The following HMGB1 variants were observed in gnomAD, a reference collection of about 807,000 sequenced individuals.
HMGB1 encodes high mobility group protein B1.
For synonymous variants in HMGB1, 81 were observed against 84.0 expected (o/e 0.96, Z 0.19); for missense variants, 79 against 253.5 (o/e 0.31, Z 4.67).
Position 30,461,542 on chromosome 13 carries a change from G to A in HMGB1, c.472-9C>T, listed in dbSNP as rs749492598. Reference sequence around the variant, plus strand: ...CGATATGCAGCAATATCCTTCCAAAGCAAAGGGAGGATAAAACAGTAGGGA... The same window carrying A: ...CGATATGCAGCAATATCCTTCCAAAACAAAGGGAGGATAAAACAGTAGGGA... On this transcript the variant is annotated splice_polypyrimidine_tract_variant and intron_variant, in intron 4 of 4. Coordinates refer to ENST00000341423, the MANE Select transcript of HMGB1 (RefSeq NM_002128.7). 1.3e-6 allele frequency: 2 copies of A among 1,578,868 alleles called. No homozygotes were observed. Among genetic ancestry groups the A allele is most frequent in the Non-Finnish European group, 1.7e-6 (2 of 1,159,462 alleles).
intron 1 of HMGB1, among the ~76,000 whole-genome samples, chr13:30,471,898 C>T (rs1886953326): frequency 6.6e-6 from 1 of 150,378 alleles, no homozygotes; most frequent in Non-Finnish European, 1.5e-5. Context: ...AACTCCTGAC[C>T]TCAGGTGATC....
At chr13:30,523,242 G>A (rs776898423) in intron 1 of HMGB1, among the ~76,000 whole-genome samples, 6 of 152,076 alleles carry the variant, frequency 3.9e-5, no homozygotes, top group Non-Finnish European at 5.9e-5. Context: ...TTTTGCTTAC[G>A]CTTACATTTT....
intron 1 of HMGB1, among the ~76,000 whole-genome samples, chr13:30,539,113 T>C (rs191452643): frequency 6.5e-4 from 99 of 152,216 alleles, no homozygotes; most frequent in African/African-American, 2.3e-3. Context: ...GCCTGGATGG[T>C]CTCCAATTCC....
intron 1 of HMGB1, among the ~76,000 whole-genome samples, chr13:30,578,901 C>T (rs1274272975): frequency 1.3e-5 from 2 of 152,220 alleles, no homozygotes; most frequent in Non-Finnish European, 2.9e-5. Flanking sequence ...TTCCATATGA[C>T]CTATTTCATA....
chr13:30,519,235 A>G (rs1196092318), intron 1 of HMGB1, among the ~76,000 whole-genome samples: 2 of 151,788 alleles, frequency 1.3e-5, no homozygotes, highest in Non-Finnish European at 2.9e-5. Flanking sequence ...TCTATTAAAA[A>G]TACAAAAATT....
At chr13:30,468,248 G>T (rs571124619), upstream of HMGB1, among the ~76,000 whole-genome samples, 39 of 152,142 alleles carry the variant, frequency 2.6e-4, no homozygotes, top group Non-Finnish European at 3.2e-4. Flanking sequence ...TGAATTTTTT[G>T]TTGTTGTTGT....
intron 1 of HMGB1, chr13:30,463,907 G>A (rs1290474069): frequency 2.1e-5 from 10 of 472,740 alleles, no homozygotes; most frequent in Non-Finnish European, 3.2e-5. Context: ...CAGTCCTTCA[G>A]GGCGATCTCA....
chr13:30,490,148 ATT>A (rs1013491146), intron 1 of HMGB1, among the ~76,000 whole-genome samples: 14 of 151,908 alleles, frequency 9.2e-5, no homozygotes, highest in African/African-American at 2.9e-4. Flanking sequence ...TGACCTGTAA[ATT>A]TTTTTCACAG....
rs1198714617 is a variant in HMGB1, at chr13:30,538,490, CTT to C, written c.-14-74798_-14-74797del. 4.9e-5 allele frequency among the ~76,000 whole-genome samples: 3 copies of C among 60,764 alleles called. 1 individual carries two copies. The highest frequency in any genetic ancestry group is 1.6e-4 in the African/African-American group (3 of 18,874). The allele number at this position is 60,764 out of a possible 152,430, so 39.9% of individuals were successfully genotyped here. ...TCTTTCTTTCTTTCTTTCTTTCTTT[CTT>C]TCTTTCTTTCTTTCTTTCCTTTCTT... On this transcript the variant is annotated intron_variant, in intron 1 of 4. Transcript: ENST00000405805.
At chr13:30,524,049 G>A (rs1246358413) in intron 1 of HMGB1, among the ~76,000 whole-genome samples, 1 of 152,074 alleles carries the variant, frequency 6.6e-6, no homozygotes, top group Non-Finnish European at 1.5e-5. Flanking sequence ...GGACATGGAT[G>A]AAGCTGGAAA....
intron 1 of HMGB1, among the ~76,000 whole-genome samples, chr13:30,585,899 C>G (rs906669842): frequency 9.2e-5 from 14 of 152,052 alleles, no homozygotes; most frequent in South Asian, 6.2e-4. Flanking sequence ...TTCCTCTTGA[C>G]CACAAAACTT....
chr13:30,467,573 TA>T (rs1886826644), upstream of HMGB1, among the ~76,000 whole-genome samples: 1 of 152,250 alleles, frequency 6.6e-6, no homozygotes. Flanking sequence ...TGTTTAAAGA[TA>T]ATATATCTAA....
intron 1 of HMGB1, among the ~76,000 whole-genome samples, chr13:30,525,070 GCTAA>G (rs1888333486): frequency 6.6e-6 from 1 of 152,170 alleles, no homozygotes; most frequent in African/African-American, 2.4e-5. Flanking sequence ...TCCGAACTCT[GCTAA>G]CTATTAAAAT....
At chr13:30,554,155 A>G in intron 1 of HMGB1, 1 of 1,340,366 alleles carries the variant, frequency 7.5e-7, no homozygotes, top group Non-Finnish European at 1.1e-6. Context: ...TACGATTAGA[A>G]AATATCAATA....
chr13:30,528,245 G>A (rs560359449), intron 1 of HMGB1, among the ~76,000 whole-genome samples: 1 of 152,302 alleles, frequency 6.6e-6, no homozygotes, highest in African/African-American at 2.4e-5. Context: ...GGGGAATGAG[G>A]TGCAGTGATC....
At chr13:30,503,188 A>G (rs1047318458) in intron 1 of HMGB1, among the ~76,000 whole-genome samples, 39 of 151,974 alleles carry the variant, frequency 2.6e-4, no homozygotes, top group African/African-American at 9.2e-4. Context: ...TACAAAAAAA[A>G]AGAAAATTAG....
intron 1 of HMGB1, among the ~76,000 whole-genome samples, chr13:30,614,549 TG>T (rs1197258122): frequency 2.0e-5 from 3 of 152,214 alleles, no homozygotes; most frequent in Admixed American, 6.5e-5. Context: ...AAAAATTCAG[TG>T]ACTTGTGTAA....
chr13:30,605,165 C>A lies in HMGB1; in HGVS notation c.-15+11506G>T, dbSNP rs80199858. The stretch of plus-strand genomic sequence containing the variant: ...GCTGTGCAGAAGAGACTGATGGGAC[C>A]AACGTGCTCAGTTCTGGATATATTA... On this transcript the variant is annotated intron_variant, in intron 1 of 4. Coordinates refer to the HMGB1 transcript ENST00000405805. Among the ~76,000 whole-genome samples the A allele has an allele frequency of 5.2e-3, 798 of 152,216 alleles. 6 individuals are homozygous for A. The highest frequency in any genetic ancestry group is 0.037 in the Middle Eastern group (11 of 294).
chr13:30,478,143 G>A (rs954262540), intron 1 of HMGB1, among the ~76,000 whole-genome samples: 3 of 152,192 alleles, frequency 2.0e-5, no homozygotes, highest in African/African-American at 7.2e-5. Context: ...CATGGCATTT[G>A]ACCAGTGATT....
Sources: gnomAD v4.1 joint callset for allele counts (sites outside exome capture counted in the v4.1 genomes callset) on GRCh38, gnomAD v4.1.1 for gene constraint, MANE v1.5 for transcripts, NCBI Gene and HGNC (gene_info 2026-07-23, HGNC 2026-07-21) for gene names.